Variants in USP34 observed in about 807,000 individuals in gnomAD.
The protein encoded by USP34 is ubiquitin specific peptidase 34.
USP34 carries 70 observed loss-of-function variants against 460.3 expected under a neutral mutation model. The ratio of observed to expected loss-of-function variants is 0.15; its 90% CI spans 0.13 to 0.19. USP34 has a LOEUF of 0.19. USP34 is among the 10% of genes least tolerant of loss of function. The pLI, the probability that USP34 is intolerant of heterozygous loss-of-function variation, is 1.00. For missense variants in USP34, 3,985 were observed against 4,236.2 expected (o/e 0.94, Z 1.65); for synonymous variants, 1,647 against 1,405.3 (o/e 1.17, Z -3.85).
intron 1 of USP34, among the ~76,000 whole-genome samples, chr2:61,460,367 A>T (rs1245424871): frequency 6.6e-6 from 1 of 152,146 alleles, no homozygotes; most frequent in Non-Finnish European, 1.5e-5. Context: ...CCATTAAGTC[A>T]CTAAGTAGCT....
intron 51 of USP34, among the ~76,000 whole-genome samples, chr2:61,243,977 A>G (rs1215642438): frequency 6.6e-6 from 1 of 152,028 alleles, no homozygotes; most frequent in Non-Finnish European, 1.5e-5. Flanking sequence ...CCATTTCTAA[A>G]TTGTTAGCAA....
At chr2:61,236,122 A>C in intron 55 of USP34, 39 bp downstream of exon 55, 3 of 1,593,624 alleles carry the variant, frequency 1.9e-6, no homozygotes, top group East Asian at 4.5e-5. Flanking sequence ...TAAAGTAGTA[A>C]ATTTTGACAG....
At chr2:61,336,822 A>AAG (rs991944149) in intron 18 of USP34, among the ~76,000 whole-genome samples, 1 of 151,464 alleles carries the variant, frequency 6.6e-6, no homozygotes, top group African/African-American at 2.4e-5. Context: ...AAAAAAAAAA[A>AAG]AAAAAAAAAA....
Position 61,420,804 on chromosome 2 carries a change from G to A in USP34, c.73C>T (p.Gln25Ter). The A allele has an allele frequency of 6.2e-7, 1 of 1,610,716 alleles. No homozygotes were observed. The change falls in exon 2 of 80, where the codon CAG becomes TAG. Residue 25 changes from glutamine (Q) to a stop codon, truncating the protein, a stop_gained. Coordinates refer to ENST00000398571, the MANE Select transcript of USP34 (RefSeq NM_014709.4). LOFTEE classifies it high-confidence loss of function. The part of the protein sequence containing the change: ...ISDVEGGDGL[Q>*]LRKEHTLKIF... ...TTGAGAGTATGTTCCTTTCTGAGCT[G>A]CAGTCCATCACCACCTTCTACATCT...
At chr2:61,341,749 GTCTT>G (rs1444711140) in intron 16 of USP34, among the ~76,000 whole-genome samples, 13 of 144,468 alleles carry the variant, frequency 9.0e-5, no homozygotes, top group Middle Eastern at 3.9e-3. Context: ...CCAGACTCAG[GTCTT>G]TCTTTTTTTT....
At position 61,188,077 on chromosome 2, in the gene USP34, A is replaced by T; in HGVS notation, c.*25T>A. Reference sequence around the variant, plus strand: ...CATGGGGGTTGGGGGTGAGGGACTTAAAAGTAGACATGCTACACCTAATGT... The same window carrying T: ...CATGGGGGTTGGGGGTGAGGGACTTTAAAGTAGACATGCTACACCTAATGT... On this transcript the variant is annotated 3_prime_UTR_variant, in exon 80 of 80. Transcript: ENST00000398571. 1 of 1,591,290 alleles carries T rather than the reference A, an allele frequency of 6.3e-7. No individual in the cohort carries two copies.
chr2:61,405,662 T>C (rs1405036171), intron 3 of USP34, 46 bp downstream of exon 3: 1 of 1,470,306 alleles, frequency 6.8e-7, no homozygotes, highest in African/African-American at 1.4e-5. Context: ...GACTGCGAAG[T>C]TAAGACTTGG....
chr2:61,287,453 G>C (rs1689723364), intron 34 of USP34, among the ~76,000 whole-genome samples: 1 of 152,096 alleles, frequency 6.6e-6, no homozygotes, highest in African/African-American at 2.4e-5. Context: ...TAATACAGTT[G>C]ACCCTTGAAC....
intron 2 of USP34, among the ~76,000 whole-genome samples, chr2:61,413,505 G>A (rs1333909913): frequency 6.9e-6 from 1 of 144,918 alleles, no homozygotes; most frequent in African/African-American, 2.6e-5. Flanking sequence ...TCAGGAGCTC[G>A]AGACCAGCCT....
chr2:61,252,138 G>C (rs1189822551), intron 48 of USP34, among the ~76,000 whole-genome samples: 2 of 152,148 alleles, frequency 1.3e-5, no homozygotes, highest in African/African-American at 4.8e-5. Context: ...CCAGGGCCAA[G>C]GAGGTCTTTG....
intron 75 of USP34, among the ~76,000 whole-genome samples, chr2:61,195,464 G>A (rs1686772639): frequency 6.6e-6 from 1 of 151,692 alleles, no homozygotes; most frequent in South Asian, 2.1e-4. Context: ...ATGAGGTCAG[G>A]AGTTCGAGAC....
intron 8 of USP34, 28 bp from the exon 9 acceptor site, chr2:61,370,607 T>G (rs1466464957): frequency 6.3e-7 from 1 of 1,590,950 alleles, no homozygotes; most frequent in Non-Finnish European, 8.5e-7. Flanking sequence ...AAATAGTACA[T>G]TAAAAAAAAT....
chr2:61,351,611 A>G lies in USP34; in HGVS notation c.1252-918T>C, dbSNP rs574394838. On this transcript the variant is annotated intron_variant, in intron 10 of 79. Coordinates refer to ENST00000398571, the MANE Select transcript of USP34 (RefSeq NM_014709.4). ...TACATAAAAAAATCTATTAAAATAT[A>G]GATTTTACTCAAAAATACTGATTTT... Among the ~76,000 whole-genome samples, 116 of 152,314 alleles carry G rather than the reference A, an allele frequency of 7.6e-4. 1 individual carries two copies. Among genetic ancestry groups the G allele is most frequent in the African/African-American group, 2.5e-3 (103 of 41,592 alleles).
rs755451510 is a variant in USP34 at position 61,405,925 on chromosome 2, T to C, written c.335A>G (p.Asn112Ser). 9.3e-6 allele frequency: 15 copies of C among 1,613,686 alleles called. No individual in the cohort carries two copies. Among genetic ancestry groups the C allele is most frequent in the South Asian group, 3.3e-5 (3 of 91,074 alleles). The stretch of plus-strand genomic sequence containing the variant: ...TTTTTGTCTTTCTGTACTTCCTTCA[T>C]TACACTCTCTATCTATATTCAGTGG... Reference protein sequence around the residue: ...EEPLNIDRECNEGSTERQKSI... With the variant: ...EEPLNIDRECSEGSTERQKSI... The change falls in exon 3 of 80, where the codon AAT becomes AGT. Residue 112 changes from asparagine to serine, a missense_variant. Physicochemically the swap from Asn to Ser is conservative, Grantham distance 46. Coordinates refer to ENST00000398571, the MANE Select transcript of USP34 (RefSeq NM_014709.4).
intron 41 of USP34, among the ~76,000 whole-genome samples, chr2:61,268,097 T>C (rs1689106027): frequency 2.6e-5 from 4 of 152,110 alleles, no homozygotes; most frequent in African/African-American, 9.7e-5. Flanking sequence ...AACCTACTCA[T>C]ATACTTCACA....
chr2:61,191,290 A>T (rs895184394), intron 76 of USP34: 1 of 152,350 alleles, frequency 6.6e-6, no homozygotes, highest in Admixed American at 6.5e-5. Flanking sequence ...AAACACAAGT[A>T]GTATGTCTTT....
At chr2:61,211,551 C>T (rs546743155) in intron 69 of USP34, among the ~76,000 whole-genome samples, 22 of 152,288 alleles carry the variant, frequency 1.4e-4, no homozygotes, top group Non-Finnish European at 2.8e-4. Flanking sequence ...GAAGGCTATA[C>T]ATAAAGGTTC....
In USP34 at chr2:61,236,576, T is replaced by C. The variant is rs75416071; in HGVS notation, c.6778-187A>G. On this transcript the variant is annotated intron_variant, in intron 53 of 79. Coordinates refer to ENST00000398571, the MANE Select transcript of USP34 (RefSeq NM_014709.4). ...ATGGTTGCTACTAATATTTTGTAATTATTAATACTTATCTGGCTACCTCAA... is the reference window on the plus strand; with the variant it reads ...ATGGTTGCTACTAATATTTTGTAATCATTAATACTTATCTGGCTACCTCAA... Among the ~76,000 whole-genome samples the C allele has an allele frequency of 3.4e-3, 519 of 152,340 alleles. 25 individuals are homozygous for C. The East Asian group carries it at 0.087, about 26-fold the overall frequency.
intron 48 of USP34, among the ~76,000 whole-genome samples, chr2:61,249,219 G>T (rs1196900982): frequency 6.6e-6 from 1 of 152,122 alleles, no homozygotes; most frequent in Non-Finnish European, 1.5e-5. Context: ...CTTTGGCAAA[G>T]CCCAACTGTT....
Sources: gnomAD v4.1 joint callset for allele counts (sites outside exome capture counted in the v4.1 genomes callset) on GRCh38, gnomAD v4.1.1 for gene constraint, MANE v1.5 for transcripts, NCBI Gene and HGNC (gene_info 2026-07-23, HGNC 2026-07-21) for gene names.